The following ULK4 variants were observed in gnomAD, a reference collection of about 807,000 sequenced individuals.
ULK4 encodes the protein unc-51 like kinase 4.
A neutral mutation model predicts 160.6 loss-of-function variants in ULK4; 133 were observed. That is an observed-to-expected ratio of 0.83 (90% CI 0.72 to 0.96). The LOEUF is 0.96. Among genes scored for constraint, ULK4 ranks in the 40% least tolerant of loss-of-function variants. The pLI is 0.00. For synonymous variants in ULK4, 534 were observed against 539.8 expected (o/e 0.99, Z 0.15); for missense variants, 1,580 against 1,499.5 (o/e 1.05, Z -0.89).
chr3:41,904,672 A>G (rs190437138), intron 12 of ULK4, among the ~76,000 whole-genome samples: 125 of 152,314 alleles, frequency 8.2e-4, no homozygotes, highest in Admixed American at 3.8e-3. Flanking sequence ...CATTTATACT[A>G]AATTTCAAAG....
intron 32 of ULK4, among the ~76,000 whole-genome samples, chr3:41,545,034 T>G (rs2086811545): frequency 6.6e-6 from 1 of 152,214 alleles, no homozygotes. Context: ...CTGTGGTAAC[T>G]TGGTAATTTA....
intron 31 of ULK4, among the ~76,000 whole-genome samples, chr3:41,568,053 A>G (rs1389070272): frequency 6.6e-6 from 1 of 152,196 alleles, no homozygotes; most frequent in East Asian, 1.9e-4. Context: ...CCAGAATTCA[A>G]TCAAGGATCC....
intron 32 of ULK4, among the ~76,000 whole-genome samples, chr3:41,563,452 T>C (rs1412687956): frequency 6.6e-6 from 1 of 152,172 alleles, no homozygotes; most frequent in African/African-American, 2.4e-5. Context: ...CTGAAGAGTG[T>C]TTTCCACCTT....
At chr3:41,524,743 T>C (rs550137179) in intron 32 of ULK4, among the ~76,000 whole-genome samples, 44 of 152,002 alleles carry the variant, frequency 2.9e-4, no homozygotes, top group African/African-American at 1.1e-3. Flanking sequence ...ATCGAGACCA[T>C]CCTGGCCAAC....
At chr3:41,938,340 C>G in intron 2 of ULK4, 143 bp from the exon 3 acceptor site, 2 of 632,302 alleles carry the variant, frequency 3.2e-6, no homozygotes, top group East Asian at 2.9e-5. Context: ...CATTAGAAAT[C>G]ATGGTTATGA....
At chr3:41,484,765 T>A (rs941987988) in intron 32 of ULK4, among the ~76,000 whole-genome samples, 3 of 152,168 alleles carry the variant, frequency 2.0e-5, no homozygotes, top group African/African-American at 7.2e-5. Context: ...GTGACCTTTT[T>A]ACGCAGGCTT....
At chr3:41,662,596 G>C (rs903300270) in intron 30 of ULK4, among the ~76,000 whole-genome samples, 1 of 152,184 alleles carries the variant, frequency 6.6e-6, no homozygotes, top group East Asian at 1.9e-4. Context: ...CAGCAGACCA[G>C]AGGAAATCAA....
intron 17 of ULK4, among the ~76,000 whole-genome samples, chr3:41,851,924 C>CA (rs1363253231): frequency 1.3e-5 from 2 of 151,872 alleles, no homozygotes; most frequent in African/African-American, 2.4e-5. Flanking sequence ...GATAGAAACA[C>CA]AAAAAAACCC....
intron 31 of ULK4, among the ~76,000 whole-genome samples, chr3:41,567,002 C>T (rs1308558463): frequency 6.6e-6 from 1 of 152,144 alleles, no homozygotes; most frequent in Non-Finnish European, 1.5e-5. Context: ...TCCTAGGAGT[C>T]TAGCTTGCCC....
intron 2 of ULK4, among the ~76,000 whole-genome samples, chr3:41,949,132 C>A (rs1700203736): frequency 6.6e-6 from 1 of 151,670 alleles, no homozygotes. Flanking sequence ...CATGGTGAAA[C>A]CCCGTCTCTA....
In ULK4 at chr3:41,907,830, C is replaced by A. The variant is rs374147291; in HGVS notation, c.1182+15G>T. The A allele has an allele frequency of 7.2e-6, 11 of 1,524,668 alleles. No individual in the cohort carries two copies. Among genetic ancestry groups the A allele is most frequent in the Non-Finnish European group, 7.9e-6 (9 of 1,135,518 alleles). The allele number at this position is 1,524,668 out of a possible 1,614,324, so 94.4% of individuals were successfully genotyped here. A position where few individuals can be genotyped will look rare whatever the true frequency, so the allele number is the denominator to read the frequency against. Reference sequence around the variant, plus strand: ...TACATCTTATGTAGGAAGAAAATTTCCCAAGTCTGCTCACCTTGGTCAGAG... The same window carrying A: ...TACATCTTATGTAGGAAGAAAATTTACCAAGTCTGCTCACCTTGGTCAGAG... On this transcript the variant is annotated intron_variant, in intron 12 of 36. Coordinates refer to ENST00000301831, the MANE Select transcript of ULK4 (RefSeq NM_017886.4).
intron 31 of ULK4, among the ~76,000 whole-genome samples, chr3:41,601,494 A>G (rs1559424909): frequency 6.6e-6 from 1 of 152,198 alleles, no homozygotes; most frequent in East Asian, 1.9e-4. Context: ...AGAGTAAAGT[A>G]GAAAAATTGT....
chr3:41,442,626 C>T (rs940104036), intron 34 of ULK4, among the ~76,000 whole-genome samples: 4 of 152,136 alleles, frequency 2.6e-5, no homozygotes, highest in African/African-American at 9.6e-5. Context: ...GAGACAGAGT[C>T]TCTGTCACAC....
intron 32 of ULK4, among the ~76,000 whole-genome samples, chr3:41,528,757 T>C (rs2086201522): frequency 6.6e-6 from 1 of 152,124 alleles, no homozygotes; most frequent in Non-Finnish European, 1.5e-5. Flanking sequence ...ATATATCGAG[T>C]TCAATAGAGG....
intron 17 of ULK4, among the ~76,000 whole-genome samples, chr3:41,864,241 G>A (rs1195974202): frequency 6.6e-6 from 1 of 152,144 alleles, no homozygotes; most frequent in African/African-American, 2.4e-5. Flanking sequence ...ACTGAGTTCA[G>A]TGCCTCACAA....
chr3:41,920,449 A>G (rs1021230139), intron 5 of ULK4, among the ~76,000 whole-genome samples: 2 of 152,200 alleles, frequency 1.3e-5, no homozygotes, highest in Non-Finnish European at 2.9e-5. Context: ...TACTTTATAC[A>G]AAGTTTAATA....
intron 18 of ULK4, among the ~76,000 whole-genome samples, chr3:41,820,529 A>T (rs2041112403): frequency 6.6e-6 from 1 of 152,178 alleles, no homozygotes. Flanking sequence ...TTGAAGCAAG[A>T]ACAGAAAATC....
intron 35 of ULK4, among the ~76,000 whole-genome samples, chr3:41,331,243 C>T (rs906330245): frequency 3.9e-5 from 6 of 152,196 alleles, no homozygotes; most frequent in Admixed American, 1.3e-4. Flanking sequence ...TTCTGGCCCA[C>T]AACTGAGGAA....
intron 19 of ULK4, among the ~76,000 whole-genome samples, chr3:41,803,200 C>A (rs575762483): frequency 6.6e-6 from 1 of 150,640 alleles, no homozygotes; most frequent in South Asian, 2.1e-4. Flanking sequence ...AATAATAAGT[C>A]CATAAAGGTG....
Sources: allele counts gnomAD v4.1 joint callset (sites outside exome capture counted in the v4.1 genomes callset), GRCh38; gene constraint gnomAD v4.1.1; transcripts MANE v1.5; gene names NCBI Gene and HGNC (gene_info 2026-07-23, HGNC 2026-07-21).